The following P2RY8 variants were observed in gnomAD, a reference collection of about 807,000 sequenced individuals.
The protein encoded by P2RY8 is S-geranylgeranyl-glutathione receptor P2RY8.
In P2RY8, 6 loss-of-function variants were observed where a neutral mutation model predicts 10.0. The ratio of observed to expected loss-of-function variants is 0.60; its 90% CI spans 0.33 to 1.19. P2RY8 has a LOEUF of 1.19. P2RY8 is among the 50% of genes most tolerant of loss of function. The probability of loss-of-function intolerance (pLI) is 0.04; values close to 1 mark genes in which losing one functional copy is unlikely to be tolerated. For synonymous variants in P2RY8, 276 were observed against 252.5 expected (o/e 1.09, Z -0.88); for missense variants, 456 against 542.0 (o/e 0.84, Z 1.58).
intron 1 of P2RY8, among the ~76,000 whole-genome samples, chrX:1,509,091 GTATCTATGTATC>G (rs1402299536): frequency 9.5e-4 from 123 of 129,840 alleles, no homozygotes; most frequent in Middle Eastern, 4.4e-3. Context: ...ATCTATCTAT[GTATCTATGTATC>G]TATCTATCTA....
chrX:1,490,912 G>A (rs1233032901), intron 1 of P2RY8, among the ~76,000 whole-genome samples: 2 of 146,456 alleles, frequency 1.4e-5, no homozygotes, highest in Non-Finnish European at 3.0e-5. Context: ...CCCTGCAAAT[G>A]TGGGGGGAAT....
chrX:1,516,459 T>C (rs28802336), intron 1 of P2RY8, among the ~76,000 whole-genome samples: 130,104 of 150,470 alleles, frequency 0.86, 56,520 homozygotes, highest in East Asian at 0.99. Flanking sequence ...TGTCTGTCGT[T>C]TCTAAGCCGC....
intron 1 of P2RY8, among the ~76,000 whole-genome samples, chrX:1,472,826 G>A (rs1438064220): frequency 6.7e-6 from 1 of 149,578 alleles, no homozygotes; most frequent in Non-Finnish European, 1.5e-5. Context: ...TGGATGTATA[G>A]ATGAGTAGGT....
chrX:1,479,742 C>A (rs1385247074), intron 1 of P2RY8, among the ~76,000 whole-genome samples: 2 of 152,082 alleles, frequency 1.3e-5, no homozygotes, highest in African/African-American at 4.8e-5. Flanking sequence ...GAGTAATAAG[C>A]TTCTAGTCAG....
Position 1,467,255 on chromosome X carries a change from G to C in P2RY8, c.-24-673C>G, listed in dbSNP as rs371505772. On this transcript the variant is annotated intron_variant, in intron 1 of 1. Coordinates refer to ENST00000381297, the MANE Select transcript of P2RY8 (RefSeq NM_178129.5). Reference sequence around the variant, plus strand: ...AGTCTTTCCAGCTTTTAACACCCGCGTCAACCCACGGCTCCTCCCTGCTCT... The same window carrying C: ...AGTCTTTCCAGCTTTTAACACCCGCCTCAACCCACGGCTCCTCCCTGCTCT... Among the ~76,000 whole-genome samples, 34 of 152,212 alleles carry C rather than the reference G, an allele frequency of 2.2e-4. 1 individual carries two copies. The East Asian group carries it at 4.8e-3, about 22-fold the overall frequency.
In P2RY8 at chrX:1,536,977, C is replaced by T. The variant is rs1205054330; in HGVS notation, c.-81G>A. ...GAGAGCTCAGAGGGTCTCCAGGTAACAGGATGCAACGCTTAAGTCGACGGC... is the reference window on the plus strand; with the variant it reads ...GAGAGCTCAGAGGGTCTCCAGGTAATAGGATGCAACGCTTAAGTCGACGGC... On this transcript the variant is annotated 5_prime_UTR_variant, in exon 1 of 2. Coordinates refer to ENST00000381297, the MANE Select transcript of P2RY8 (RefSeq NM_178129.5). 1.3e-5 allele frequency: 3 copies of T among 231,464 alleles called. No individual in the cohort carries two copies. The highest frequency in any genetic ancestry group is 2.6e-5 in the Non-Finnish European group (3 of 117,072). 14.3% of individuals were successfully genotyped at this position (231,464 alleles called of 1,614,324 possible). A position where few individuals can be genotyped will look rare whatever the true frequency, so the allele number is the denominator to read the frequency against.
intron 1 of P2RY8, among the ~76,000 whole-genome samples, chrX:1,487,350 G>A (rs56392639): frequency 0.16 from 24,101 of 152,060 alleles, 2,536 homozygotes; most frequent in Non-Finnish European, 0.24. Context: ...TAGAGCAGAC[G>A]TCACATTGAA....
rs1349698219 is a variant in P2RY8, at chrX:1,465,545, A to G, written c.1014T>C (p.Gly338=). ...CTCCCTCCATCCCTTCAGGGTGCGC[A>G]CCGGCCTCGGAGCGCACGGACGTGG... The part of the protein sequence containing the change: ...ARTTSVRSEA[G]AHPEGMEGAT... The change falls in exon 2 of 2, where the codon GGT becomes GGC. Residue 338 remains glycine (G), a synonymous_variant. Transcript: ENST00000381297. The G allele has an allele frequency of 1.2e-6, 2 of 1,611,992 alleles. No individual in the cohort carries two copies. Among genetic ancestry groups the G allele is most frequent in the African/African-American group, 2.7e-5 (2 of 74,854 alleles).
chrX:1,483,034 GT>G (rs1399330545), intron 1 of P2RY8, among the ~76,000 whole-genome samples: 6 of 151,998 alleles, frequency 3.9e-5, no homozygotes, highest in African/African-American at 1.5e-4. Flanking sequence ...CATGGCACAT[GT>G]ATACATATGT....
intron 1 of P2RY8, among the ~76,000 whole-genome samples, chrX:1,501,686 C>T (rs746323211): frequency 1.3e-5 from 2 of 152,122 alleles, no homozygotes; most frequent in South Asian, 2.1e-4. Context: ...CTCCATCTCC[C>T]GGGTTCAAGT....
chrX:1,489,323 T>A (rs2092018783), intron 1 of P2RY8, among the ~76,000 whole-genome samples: 1 of 151,036 alleles, frequency 6.6e-6, no homozygotes, highest in Non-Finnish European at 1.5e-5. Context: ...AGAGATTTAC[T>A]CCTGCAACAG....
intron 1 of P2RY8, among the ~76,000 whole-genome samples, chrX:1,528,244 A>G: frequency 6.6e-6 from 1 of 152,214 alleles, no homozygotes; most frequent in East Asian, 1.9e-4. Flanking sequence ...CTCCAGCTTC[A>G]CTGAGCCTCA....
rs1288554422 is a variant in P2RY8, at chrX:1,493,437, A to AAAG, written c.-24-26856_-24-26855insCTT. On this transcript the variant is annotated intron_variant, in intron 1 of 1. Transcript: ENST00000381297. ...AGGAAGGAGGAAGGAGGAGGGAGGG[A>AAAG]AGGAGGAGGAAGGAGGAAGGAGGGA... 5.6e-4 allele frequency among the ~76,000 whole-genome samples: 16 copies of AAAG among 28,636 alleles called. 1 individual carries two copies. The East Asian group carries it at 0.034, about 61-fold the overall frequency. 18.8% of individuals were successfully genotyped at this position (28,636 alleles called of 152,430 possible). A position where few individuals can be genotyped will look rare whatever the true frequency, so the allele number is the denominator to read the frequency against.
intron 1 of P2RY8, among the ~76,000 whole-genome samples, chrX:1,514,901 T>C (rs1291976652): frequency 2.6e-5 from 1 of 37,792 alleles, no homozygotes; most frequent in Admixed American, 3.4e-4. Flanking sequence ...CCCCTTCCCC[T>C]CCCCTCCCCT....
chrX:1,536,586 G>A (rs1412503131), intron 1 of P2RY8, among the ~76,000 whole-genome samples: 51 of 152,076 alleles, frequency 3.4e-4, no homozygotes, highest in African/African-American at 1.1e-3. Context: ...TAGTAGAGAC[G>A]GGGTTTCACC....
At chrX:1,524,409 G>GCATGCATGCATC (rs1309158911) in intron 1 of P2RY8, among the ~76,000 whole-genome samples, 2 of 109,786 alleles carry the variant, frequency 1.8e-5, no homozygotes, top group Admixed American at 8.6e-5. Flanking sequence ...ATCCATGCAT[G>GCATGCATGCATC]CATCCATCCA....
intron 1 of P2RY8, among the ~76,000 whole-genome samples, chrX:1,516,878 G>A (rs1238394115): frequency 6.6e-6 from 1 of 150,760 alleles, no homozygotes; most frequent in Non-Finnish European, 1.5e-5. Context: ...CCCGTTCGCT[G>A]ATCTCAGACT....
intron 1 of P2RY8, among the ~76,000 whole-genome samples, chrX:1,509,374 T>TCCATCCA (rs1556682675): frequency 7.6e-6 from 1 of 131,212 alleles, no homozygotes; most frequent in Non-Finnish European, 1.6e-5. Context: ...CATCCATCTA[T>TCCATCCA]TCTATCTATC....
At chrX:1,520,565 C>G (rs1290027468) in intron 1 of P2RY8, among the ~76,000 whole-genome samples, 2 of 151,020 alleles carry the variant, frequency 1.3e-5, no homozygotes, top group Non-Finnish European at 2.9e-5. Flanking sequence ...AATATTATCT[C>G]CGATCCTCAA....
Sources: gnomAD v4.1 joint callset for allele counts (sites outside exome capture counted in the v4.1 genomes callset) on GRCh38, gnomAD v4.1.1 for gene constraint, MANE v1.5 for transcripts, NCBI Gene and HGNC (gene_info 2026-07-23, HGNC 2026-07-21) for gene names.